Variants in UBE2H observed in about 807,000 individuals in gnomAD.
UBE2H encodes the protein ubiquitin-conjugating enzyme E2 H.
Under a neutral mutation model 29.0 loss-of-function variants are expected in UBE2H, and 3 were observed. That is an observed-to-expected ratio of 0.10 (90% CI 0.05 to 0.27). The LOEUF (loss-of-function observed/expected upper bound fraction) is 0.27, where lower values mean the gene tolerates loss of function less well. Ranked by LOEUF, UBE2H falls within the 10% of genes least tolerant of loss-of-function variation. The pLI is 1.00. For missense variants in UBE2H, 68 were observed against 228.2 expected, an observed-to-expected ratio of 0.30 and a Z score of 4.52; for synonymous variants, 69 against 82.9, an observed-to-expected ratio of 0.83 and a Z score of 0.91.
rs760943826 is a variant in UBE2H at position 129,942,839 on chromosome 7, G to GT, written c.53+9663dup. Among the ~76,000 whole-genome samples the GT allele has an allele frequency of 3.6e-3, 553 of 151,636 alleles. 11 individuals carry two copies. Among genetic ancestry groups the GT allele is most frequent in the South Asian group, 0.034 (162 of 4,788 alleles). ...TGTGACTATGATCCTAAAGTGTAAT[G>GT]TGTTTTTTTTTTTGTTTTTTGAGAT... On this transcript the variant is annotated intron_variant, in intron 1 of 6. Coordinates refer to ENST00000355621, the MANE Select transcript of UBE2H (RefSeq NM_003344.4).
intron 1 of UBE2H, among the ~76,000 whole-genome samples, chr7:129,893,983 T>C (rs1292473166): frequency 6.6e-6 from 1 of 152,076 alleles, no homozygotes; most frequent in East Asian, 1.9e-4. Flanking sequence ...GGCAAAACCC[T>C]GTCTCTACTA....
At chr7:129,928,529 G>A (rs1180765652) in intron 1 of UBE2H, among the ~76,000 whole-genome samples, 1 of 152,186 alleles carries the variant, frequency 6.6e-6, no homozygotes, top group East Asian at 1.9e-4. Context: ...CTTGAACTCG[G>A]GAGGTGGAGG....
intron 5 of UBE2H, among the ~76,000 whole-genome samples, chr7:129,854,455 T>TAG (rs1462288318): frequency 6.6e-6 from 1 of 152,228 alleles, no homozygotes; most frequent in Non-Finnish European, 1.5e-5. Context: ...TTCCTGCACT[T>TAG]ACCTGTTAGT....
chr7:129,950,048 A>T (rs941974229), intron 1 of UBE2H, among the ~76,000 whole-genome samples: 30 of 152,294 alleles, frequency 2.0e-4, no homozygotes, highest in African/African-American at 6.7e-4. Context: ...TTTCTGCTAA[A>T]TATACCTTAC....
At chr7:129,943,260 C>T (rs1041826437) in intron 1 of UBE2H, among the ~76,000 whole-genome samples, 1 of 152,220 alleles carries the variant, frequency 6.6e-6, no homozygotes, top group Non-Finnish European at 1.5e-5. Context: ...CCTCTGCCTC[C>T]TGGGCTTAAG....
intron 1 of UBE2H, among the ~76,000 whole-genome samples, chr7:129,896,960 C>T (rs900107675): frequency 3.3e-5 from 5 of 152,128 alleles, no homozygotes; most frequent in African/African-American, 4.8e-5. Flanking sequence ...TACCAAGCTG[C>T]GGTACCCATT....
intron 1 of UBE2H, among the ~76,000 whole-genome samples, chr7:129,927,047 G>C (rs1807284349): frequency 6.6e-6 from 1 of 152,138 alleles, no homozygotes; most frequent in Non-Finnish European, 1.5e-5. Context: ...TTCTCTGATA[G>C]ACTCAACTCT....
In UBE2H at chr7:129,831,302, T is replaced by A. The variant is rs375787997; in HGVS notation, c.*3635A>T. On this transcript the variant is annotated 3_prime_UTR_variant, in exon 7 of 7. Coordinates refer to ENST00000355621, the MANE Select transcript of UBE2H (RefSeq NM_003344.4). ...CGATAAAAAATCTTGCTAACTTTTTTAAATGGCTTTTACTTTTCTAAGTCA... is the reference window on the plus strand; with the variant it reads ...CGATAAAAAATCTTGCTAACTTTTTAAAATGGCTTTTACTTTTCTAAGTCA... 1.9e-4 allele frequency: 29 copies of A among 152,394 alleles called. No individual in the cohort carries two copies. The highest frequency in any genetic ancestry group is 3.6e-4 in the African/African-American group (15 of 41,594). The allele number at this position is 152,394 out of a possible 1,614,324, so 9.4% of individuals were successfully genotyped here.
At chr7:129,892,023 G>C (rs1463293129) in intron 1 of UBE2H, among the ~76,000 whole-genome samples, 2 of 149,640 alleles carry the variant, frequency 1.3e-5, no homozygotes, top group South Asian at 2.1e-4. Context: ...TGTGATCTGG[G>C]CTCACTGCAA....
At chr7:129,868,935 C>CT (rs34258788) in intron 3 of UBE2H, among the ~76,000 whole-genome samples, 68,540 of 119,632 alleles carry the variant, frequency 0.57, 18,840 homozygotes, top group Middle Eastern at 0.66. Flanking sequence ...CTCTCTCTCT[C>CT]TTTTTTTTTT....
intron 5 of UBE2H, among the ~76,000 whole-genome samples, chr7:129,851,870 A>G (rs1360037791): frequency 6.6e-6 from 1 of 152,214 alleles, no homozygotes; most frequent in Non-Finnish European, 1.5e-5. Context: ...GCAGACAGAT[A>G]AAGAAGGTTG....
chr7:129,933,686 C>CT (rs1807454516), intron 1 of UBE2H, among the ~76,000 whole-genome samples: 1 of 152,186 alleles, frequency 6.6e-6, no homozygotes, highest in Admixed American at 6.5e-5. Context: ...AGATTCAACA[C>CT]TTTCCTGCAA....
Position 129,908,728 on chromosome 7 carries a change from G to C in UBE2H, c.54-27757C>G, listed in dbSNP as rs1018835270. On this transcript the variant is annotated intron_variant, in intron 1 of 6. Coordinates refer to ENST00000355621, the MANE Select transcript of UBE2H (RefSeq NM_003344.4). The stretch of plus-strand genomic sequence containing the variant: ...CAAATAATTGTTTAAACACAAATGA[G>C]CACCACCTTCAAATTTTCCAATCCA... 2.6e-5 allele frequency among the ~76,000 whole-genome samples: 4 copies of C among 152,248 alleles called. No individual in the cohort carries two copies. The South Asian group carries it at 8.3e-4, about 32-fold the overall frequency.
intron 1 of UBE2H, among the ~76,000 whole-genome samples, chr7:129,891,730 G>C (rs1447678868): frequency 2.0e-5 from 3 of 151,606 alleles, no homozygotes; most frequent in African/African-American, 7.3e-5. Context: ...TGAACAGGGA[G>C]GCAGAGATTG....
intron 3 of UBE2H, among the ~76,000 whole-genome samples, chr7:129,865,773 CTGAT>C (rs1037113156): frequency 6.6e-6 from 1 of 152,212 alleles, no homozygotes; most frequent in African/African-American, 2.4e-5. Flanking sequence ...CACAACCAAA[CTGAT>C]TAATTCTATT....
At chr7:129,847,133 GC>G (rs1805526869) in intron 5 of UBE2H, among the ~76,000 whole-genome samples, 1 of 152,026 alleles carries the variant, frequency 6.6e-6, no homozygotes, top group South Asian at 2.1e-4. Context: ...TGGAACCTCT[GC>G]CTTTTGGGTT....
At chr7:129,881,831 A>G (rs565647027) in intron 1 of UBE2H, among the ~76,000 whole-genome samples, 3 of 152,226 alleles carry the variant, frequency 2.0e-5, no homozygotes, top group Non-Finnish European at 4.4e-5. Context: ...CTATGCTCCT[A>G]AAACGAGGGA....
At chr7:129,920,439 A>G (rs1276983431) in intron 1 of UBE2H, among the ~76,000 whole-genome samples, 1 of 152,210 alleles carries the variant, frequency 6.6e-6, no homozygotes, top group African/African-American at 2.4e-5. Context: ...ACAAAATGGA[A>G]AAAATATGGT....
chr7:129,873,576 A>G (rs1806087167), intron 3 of UBE2H, among the ~76,000 whole-genome samples: 6 of 150,382 alleles, frequency 4.0e-5, no homozygotes, highest in Admixed American at 3.3e-4. Context: ...CTGGAACTAA[A>G]GGTATACACC....
Sources: allele counts gnomAD v4.1 joint callset (sites outside exome capture counted in the v4.1 genomes callset), GRCh38; gene constraint gnomAD v4.1.1; transcripts MANE v1.5; gene names NCBI Gene and HGNC (gene_info 2026-07-23, HGNC 2026-07-21).